Variants in ANKS1B observed in about 807,000 individuals in gnomAD.
ANKS1B encodes the protein ankyrin repeat and sterile alpha motif domain-containing protein 1B.
In ANKS1B, 36 loss-of-function variants were observed where a neutral mutation model predicts 148.3. That is an observed-to-expected ratio of 0.24 (90% CI 0.19 to 0.32). The LOEUF is 0.32. Among genes scored for constraint, ANKS1B ranks in the 10% least tolerant of loss-of-function variants. ANKS1B has a pLI of 1.00. For missense variants in ANKS1B, 1,157 were observed against 1,542.6 expected, an observed-to-expected ratio of 0.75 and a Z score of 4.19; for synonymous variants, 542 against 560.8, an observed-to-expected ratio of 0.97 and a Z score of 0.47.
At chr12:99,781,923 GGTGATTT>G in intron 5 of ANKS1B, 92 bp downstream of exon 5, 1 of 998,412 alleles carries the variant, frequency 1.0e-6, no homozygotes, top group African/African-American at 1.6e-5. Context: ...AAGGCAAGAG[GGTGATTT>G]GTGAAGAAAA....
intron 25 of ANKS1B, among the ~76,000 whole-genome samples, chr12:98,753,091 G>A (rs1159037956): frequency 6.6e-6 from 1 of 152,180 alleles, no homozygotes; most frequent in Non-Finnish European, 1.5e-5. Flanking sequence ...ATCAGCAAGA[G>A]ACAGGTGATT....
chr12:99,511,876 C>G (rs1291455705), intron 9 of ANKS1B, among the ~76,000 whole-genome samples: 1 of 151,920 alleles, frequency 6.6e-6, no homozygotes. Flanking sequence ...GAAATTGAAA[C>G]TGGACCCCTT....
chr12:98,841,360 G>A (rs1258007804), intron 17 of ANKS1B, among the ~76,000 whole-genome samples: 2 of 152,094 alleles, frequency 1.3e-5, no homozygotes, highest in Non-Finnish European at 2.9e-5. Context: ...TGGTTACTCC[G>A]TTTTTGGATT....
intron 1 of ANKS1B, among the ~76,000 whole-genome samples, chr12:99,913,414 T>G (rs1406536973): frequency 6.6e-6 from 1 of 151,964 alleles, no homozygotes; most frequent in East Asian, 1.9e-4. Flanking sequence ...TGAGAAAGAG[T>G]GATAATTACC....
chr12:98,931,912 T>C (rs1189428079), intron 17 of ANKS1B, among the ~76,000 whole-genome samples: 1 of 152,180 alleles, frequency 6.6e-6, no homozygotes, highest in Admixed American at 6.5e-5. Context: ...CAGAGCCTTC[T>C]CTGGATTACT....
chr12:99,266,180 T>C (rs995185188), intron 12 of ANKS1B, among the ~76,000 whole-genome samples: 1 of 152,158 alleles, frequency 6.6e-6, no homozygotes, highest in African/African-American at 2.4e-5. Flanking sequence ...TTTATATGTA[T>C]CATTTCATCT....
chr12:99,304,683 T>A (rs11109801), intron 12 of ANKS1B, among the ~76,000 whole-genome samples: 16,625 of 152,132 alleles, frequency 0.11, 1,170 homozygotes, highest in Admixed American at 0.16. Context: ...CAGTAAACAA[T>A]TGAGAATTGC....
intron 17 of ANKS1B, among the ~76,000 whole-genome samples, chr12:99,028,273 C>T (rs2099949954): frequency 6.6e-6 from 1 of 152,164 alleles, no homozygotes; most frequent in Non-Finnish European, 1.5e-5. Context: ...ACTCTCTCAA[C>T]TCTGAATTTT....
chr12:98,876,841 A>G (rs11109642), intron 17 of ANKS1B, among the ~76,000 whole-genome samples: 61,330 of 152,070 alleles, frequency 0.4, 13,697 homozygotes, highest in Middle Eastern at 0.55. Context: ...TAGAAATCAC[A>G]TGATATTTTA....
rs898137921 is a variant in ANKS1B at position 98,751,642 on chromosome 12, A to G, written c.3580-120T>C. The G allele has an allele frequency of 2.2e-6, 2 of 928,856 alleles. No homozygotes were observed. The highest frequency in any genetic ancestry group is 4.3e-5 in the Admixed American group (2 of 46,626). The allele number at this position is 928,856 out of a possible 1,614,324, so 57.5% of individuals were successfully genotyped here. The stretch of plus-strand genomic sequence containing the variant: ...GAACTTGAACTACTTCACCAGAGGC[A>G]GCAGCGATTCGGTGGAAATCTACAA... On this transcript the variant is annotated intron_variant, in intron 25 of 26. Transcript: ENST00000683438. The surrounding 1 kb of genome is among the most constrained non-coding windows in gnomAD (Gnocchi z 4.3).
At chr12:99,941,918 G>A (rs911856435) in intron 1 of ANKS1B, among the ~76,000 whole-genome samples, 6 of 152,224 alleles carry the variant, frequency 3.9e-5, no homozygotes, top group South Asian at 4.1e-4. Context: ...CAGGGAGGAC[G>A]GTATGGACAG....
intron 14 of ANKS1B, among the ~76,000 whole-genome samples, chr12:99,177,647 T>C (rs780225304): frequency 6.6e-6 from 1 of 152,254 alleles, no homozygotes; most frequent in Non-Finnish European, 1.5e-5. Flanking sequence ...GGTATTACCC[T>C]TGGCCTCCTT....
At chr12:99,911,656 T>C (rs952493004) in intron 1 of ANKS1B, among the ~76,000 whole-genome samples, 1 of 152,168 alleles carries the variant, frequency 6.6e-6, no homozygotes, top group African/African-American at 2.4e-5. Context: ...CTATAAAAAC[T>C]TTTAAACATA....
chr12:99,442,492 G>T (rs1373870320), intron 11 of ANKS1B, among the ~76,000 whole-genome samples: 2 of 147,080 alleles, frequency 1.4e-5, no homozygotes, highest in Non-Finnish European at 3.0e-5. Context: ...AGCAGGACTG[G>T]AAGAGGCAAA....
At chr12:99,767,198 A>G (rs938107924) in intron 8 of ANKS1B, among the ~76,000 whole-genome samples, 1 of 152,118 alleles carries the variant, frequency 6.6e-6, no homozygotes, top group Admixed American at 6.5e-5. Flanking sequence ...AATATTTTGC[A>G]TTGGAAAAGA....
intron 10 of ANKS1B, among the ~76,000 whole-genome samples, chr12:99,498,151 A>G (rs1338774967): frequency 6.6e-6 from 1 of 152,102 alleles, no homozygotes; most frequent in African/African-American, 2.4e-5. Flanking sequence ...TGCTGAGTGT[A>G]TGCACTGATT....
At chr12:98,761,100 A>G (rs1406176673) in intron 25 of ANKS1B, among the ~76,000 whole-genome samples, 1 of 152,300 alleles carries the variant, frequency 6.6e-6, no homozygotes, top group African/African-American at 2.4e-5. Flanking sequence ...GAAATTGACA[A>G]CTTGGCCAAG....
At chr12:99,573,756 C>A (rs1316919144) in intron 9 of ANKS1B, among the ~76,000 whole-genome samples, 1 of 151,948 alleles carries the variant, frequency 6.6e-6, no homozygotes, top group Non-Finnish European at 1.5e-5. Flanking sequence ...AGCAGTAAAT[C>A]AGAAAATCTA....
At chr12:99,574,670 AG>A (rs2097498437) in intron 9 of ANKS1B, among the ~76,000 whole-genome samples, 1 of 152,032 alleles carries the variant, frequency 6.6e-6, no homozygotes, top group Non-Finnish European at 1.5e-5. Flanking sequence ...TAAAAAAAAA[AG>A]AAACCCTATA....
Sources: gnomAD v4.1 joint callset for allele counts (sites outside exome capture counted in the v4.1 genomes callset) on GRCh38, gnomAD v4.1.1 for gene constraint, Gnocchi (gnomAD v3.1) non-coding constraint, MANE v1.5 for transcripts, NCBI Gene and HGNC (gene_info 2026-07-23, HGNC 2026-07-21) for gene names.